RABGAP1L: variants seen among roughly 807,000 people sequenced by gnomAD.
RABGAP1L encodes rab GTPase-activating protein 1-like.
In RABGAP1L, 63 loss-of-function variants were observed where a neutral mutation model predicts 137.7. That is an observed-to-expected ratio of 0.46 (90% CI 0.37 to 0.56). The LOEUF is 0.56. RABGAP1L is among the 20% of genes least tolerant of loss of function. The pLI, the probability that RABGAP1L is intolerant of heterozygous loss-of-function variation, is 0.00. For missense variants in RABGAP1L, 1,095 were observed against 1,244.0 expected (o/e 0.88, Z 1.80); for synonymous variants, 431 against 433.7 (o/e 0.99, Z 0.08).
Position 174,220,968 on chromosome 1 carries a change from G to C in RABGAP1L, c.139-4G>C. On this transcript the variant is annotated splice_region_variant and splice_polypyrimidine_tract_variant and intron_variant, in intron 2 of 25. Transcript: ENST00000681986. The stretch of plus-strand genomic sequence containing the variant: ...GAAACAGAATTGTCTTGCTGTGTCT[G>C]TAGATAGTTTCTAATGGTGATGAAC... 3 of 1,602,394 alleles carry C rather than the reference G, an allele frequency of 1.9e-6. No homozygotes were observed. Among genetic ancestry groups the C allele is most frequent in the Non-Finnish European group, 2.6e-6 (3 of 1,174,004 alleles).
At chr1:174,234,240 T>A (rs1670950569) in intron 4 of RABGAP1L, among the ~76,000 whole-genome samples, 1 of 105,748 alleles carries the variant, frequency 9.5e-6, no homozygotes, top group African/African-American at 5.6e-5. Flanking sequence ...GATGGTAGTT[T>A]CTTTTGCTGT....
intron 19 of RABGAP1L, among the ~76,000 whole-genome samples, chr1:174,878,108 T>C (rs1192762847): frequency 3.9e-5 from 6 of 152,214 alleles, no homozygotes; most frequent in Non-Finnish European, 8.8e-5. Context: ...GATCTTAGTG[T>C]GTGTGCATGT....
At chr1:174,492,588 G>A (rs538455899) in intron 13 of RABGAP1L, among the ~76,000 whole-genome samples, 2 of 152,148 alleles carry the variant, frequency 1.3e-5, no homozygotes, top group South Asian at 4.2e-4. Context: ...GACCTCAGGC[G>A]ATCCGCCTGC....
chr1:174,383,751 T>C (rs998115666), intron 12 of RABGAP1L, among the ~76,000 whole-genome samples: 1 of 152,180 alleles, frequency 6.6e-6, no homozygotes, highest in African/African-American at 2.4e-5. Flanking sequence ...ACCCGTCTTC[T>C]GCGTCGCTCA....
chr1:174,838,938 A>T (rs1034548428), intron 19 of RABGAP1L, among the ~76,000 whole-genome samples: 3 of 147,014 alleles, frequency 2.0e-5, no homozygotes, highest in Non-Finnish European at 4.5e-5. Context: ...AAAAAAAAAA[A>T]AAAAAAAAAA....
At chr1:174,616,044 G>A (rs1422877952) in intron 13 of RABGAP1L, among the ~76,000 whole-genome samples, 1 of 152,130 alleles carries the variant, frequency 6.6e-6, no homozygotes, top group Non-Finnish European at 1.5e-5. Context: ...GTGAGGCAAT[G>A]TCTTGCCCTG....
At chr1:174,550,290 G>C (rs914453455) in intron 13 of RABGAP1L, among the ~76,000 whole-genome samples, 1 of 152,074 alleles carries the variant, frequency 6.6e-6, no homozygotes, top group Non-Finnish European at 1.5e-5. Context: ...ACTATTCTTT[G>C]AACAAAGTCC....
chr1:174,835,121 C>A (rs1176155064), intron 19 of RABGAP1L, among the ~76,000 whole-genome samples: 2 of 152,076 alleles, frequency 1.3e-5, no homozygotes, highest in African/African-American at 2.4e-5. Context: ...AGATGAAAGA[C>A]TTGAGAGTGA....
intron 5 of RABGAP1L, among the ~76,000 whole-genome samples, chr1:174,249,770 G>A (rs1672571389): frequency 6.6e-6 from 1 of 151,852 alleles, no homozygotes; most frequent in Non-Finnish European, 1.5e-5. Context: ...AGCCTCCCGA[G>A]TAGCTAGGAT....
intron 13 of RABGAP1L, among the ~76,000 whole-genome samples, chr1:174,481,942 G>A (rs1227197575): frequency 6.6e-6 from 1 of 151,332 alleles, no homozygotes; most frequent in Non-Finnish European, 1.5e-5. Flanking sequence ...AGGTTACAGG[G>A]CAAAGTCAAA....
chr1:174,473,253 C>CT (rs1191486661), intron 13 of RABGAP1L, among the ~76,000 whole-genome samples: 1 of 152,194 alleles, frequency 6.6e-6, no homozygotes, highest in African/African-American at 2.4e-5. Context: ...GATGCCTTTG[C>CT]TGAAGGCACC....
intron 15 of RABGAP1L, among the ~76,000 whole-genome samples, chr1:174,693,899 A>G (rs1460528759): frequency 1.3e-5 from 2 of 152,140 alleles, no homozygotes; most frequent in Non-Finnish European, 2.9e-5. Flanking sequence ...GTTCAAGAAA[A>G]TTTTCAGAGC....
At chr1:174,612,320 A>G (rs61826912) in intron 13 of RABGAP1L, among the ~76,000 whole-genome samples, 88,466 of 152,018 alleles carry the variant, frequency 0.58, 28,064 homozygotes, top group African/African-American at 0.85. Context: ...TAATCATGTG[A>G]TTTTTATCTT....
chr1:174,900,874 T>G (rs901932391), intron 19 of RABGAP1L, among the ~76,000 whole-genome samples: 1 of 152,144 alleles, frequency 6.6e-6, no homozygotes, highest in Non-Finnish European at 1.5e-5. Flanking sequence ...CTGGATGATA[T>G]CCTGAAGGAT....
At chr1:174,540,874 T>G (rs1378169794) in intron 13 of RABGAP1L, among the ~76,000 whole-genome samples, 1 of 152,196 alleles carries the variant, frequency 6.6e-6, no homozygotes, top group Non-Finnish European at 1.5e-5. Flanking sequence ...AATCTATAAA[T>G]TACCTTGGGC....
intron 13 of RABGAP1L, among the ~76,000 whole-genome samples, chr1:174,565,072 G>A (rs1037114033): frequency 6.6e-5 from 10 of 152,196 alleles, no homozygotes; most frequent in African/African-American, 2.4e-4. Context: ...TATGCAGGCA[G>A]TATGCTTTGA....
At chr1:174,696,366 G>A (rs975681069) in intron 15 of RABGAP1L, among the ~76,000 whole-genome samples, 1 of 152,016 alleles carries the variant, frequency 6.6e-6, no homozygotes, top group Non-Finnish European at 1.5e-5. Flanking sequence ...TGTAAGTATA[G>A]CCACTCTTAC....
At chr1:174,308,280 T>C (rs1558119534) in intron 11 of RABGAP1L, among the ~76,000 whole-genome samples, 9 of 152,040 alleles carry the variant, frequency 5.9e-5, no homozygotes, top group Admixed American at 5.9e-4. Flanking sequence ...TATATGCATA[T>C]ATGTTATGAG....
chr1:174,314,703 A>G (rs372267339), intron 11 of RABGAP1L, among the ~76,000 whole-genome samples: 13 of 151,884 alleles, frequency 8.6e-5, no homozygotes, highest in African/African-American at 3.1e-4. Flanking sequence ...TTAATCATTT[A>G]TTTCACGAAA....
Sources: gnomAD v4.1 joint callset for allele counts (sites outside exome capture counted in the v4.1 genomes callset) on GRCh38, gnomAD v4.1.1 for gene constraint, MANE v1.5 for transcripts, NCBI Gene and HGNC (gene_info 2026-07-23, HGNC 2026-07-21) for gene names.